The following ACACA variants were observed in gnomAD, a reference collection of about 807,000 sequenced individuals.
ACACA encodes the protein acetyl-CoA carboxylase alpha, also known as acetyl-CoA carboxylase 1.
Under a neutral mutation model 296.1 loss-of-function variants are expected in ACACA, and 103 were observed. The ratio of observed to expected loss-of-function variants is 0.35; its 90% CI spans 0.30 to 0.41. The LOEUF (loss-of-function observed/expected upper bound fraction) is 0.41, where lower values mean the gene tolerates loss of function less well. ACACA is among the 10% of genes least tolerant of loss of function. The probability of loss-of-function intolerance (pLI) is 1.00; values close to 1 mark genes in which losing one functional copy is unlikely to be tolerated. For synonymous variants in ACACA, 953 were observed against 1,038.6 expected (o/e 0.92, Z 1.58); for missense variants, 1,554 against 2,989.7 (o/e 0.52, Z 11.20).
At position 37,129,371 on chromosome 17, in the gene ACACA, G is replaced by A. The variant is rs763313915; in HGVS notation, c.5938C>T (p.His1980Tyr). 6.2e-7 allele frequency: 1 copy of A among 1,614,096 alleles called. No homozygotes were observed. The highest frequency in any genetic ancestry group is 8.5e-7 in the Non-Finnish European group (1 of 1,179,996). ...DPRWMLAGRP[H>Y]PTQKGQWLSG... Reference sequence around the variant, plus strand: ...TCCTCAAACATATACATACTTGGGTGAGGACGGCCTGCTAGCATCCATCGA... The same window carrying A: ...TCCTCAAACATATACATACTTGGGTAAGGACGGCCTGCTAGCATCCATCGA... Residue 1980 changes from histidine (H) to tyrosine (Y), a missense_variant, in exon 47 of 56, where the codon CAC becomes TAC. Coordinates refer to ENST00000616317, the MANE Select transcript of ACACA (RefSeq NM_198834.3).
At chr17:37,093,655 A>G (rs1441202076) in intron 54 of ACACA, among the ~76,000 whole-genome samples, 4 of 152,228 alleles carry the variant, frequency 2.6e-5, no homozygotes, top group African/African-American at 9.6e-5. Context: ...GTGCCACGAC[A>G]CCGAGCAAAT....
At chr17:37,151,551 G>T (rs2076039200) in intron 43 of ACACA, 130 bp from the exon 44 acceptor site, 2 of 1,133,780 alleles carry the variant, frequency 1.8e-6, no homozygotes, top group Non-Finnish European at 2.5e-6. Flanking sequence ...GGCTTTATGT[G>T]CTTCCTTTTA....
intron 39 of ACACA, among the ~76,000 whole-genome samples, chr17:37,182,806 G>A (rs898636124): frequency 1.3e-5 from 2 of 152,166 alleles, no homozygotes; most frequent in East Asian, 1.9e-4. Flanking sequence ...TTCCTAAATC[G>A]TGGGTACAGT....
rs1213693117 is a variant in ACACA, at chr17:37,257,774, T to C, written c.1755A>G (p.Gly585=). 6.2e-7 allele frequency: 1 copy of C among 1,614,104 alleles called. No homozygotes were observed. The highest frequency in any genetic ancestry group is 2.2e-5 in the East Asian group (1 of 44,876). Residue 585 remains glycine (G), a synonymous_variant, in exon 14 of 56, where the codon GGA becomes GGG. Coordinates refer to ENST00000616317, the MANE Select transcript of ACACA (RefSeq NM_198834.3). Reference sequence around the variant, plus strand: ...ACTGAGAATCAGCAAATTCATGAAGTCCCCCTGCAGCAGCAACACTGAAAT... The same window carrying C: ...ACTGAGAATCAGCAAATTCATGAAGCCCCCCTGCAGCAGCAACACTGAAAT... The part of the protein sequence containing the change: ...WGYFSVAAAG[G]LHEFADSQFG...
At chr17:37,391,764 A>T in intron 1 of ACACA, 1 of 1,542,606 alleles carries the variant, frequency 6.5e-7, no homozygotes, top group Non-Finnish European at 9.0e-7. Context: ...GATACTACAC[A>T]GTCCTCTCCC....
At chr17:37,400,835 G>A (rs947370347) in intron 1 of ACACA, among the ~76,000 whole-genome samples, 7 of 152,052 alleles carry the variant, frequency 4.6e-5, no homozygotes, top group African/African-American at 1.7e-4. Flanking sequence ...CTTGGCTATG[G>A]TGAATAATGC....
intron 5 of ACACA, among the ~76,000 whole-genome samples, chr17:37,282,952 C>T (rs1463727255): frequency 1.3e-5 from 2 of 152,300 alleles, no homozygotes; most frequent in Non-Finnish European, 1.5e-5. Context: ...TTTCCACTTA[C>T]GCATTCCAAA....
intron 55 of ACACA, 69 bp from the exon 56 acceptor site, chr17:37,087,508 A>G (rs2072288282): frequency 6.3e-7 from 1 of 1,585,544 alleles, no homozygotes; most frequent in Non-Finnish European, 8.6e-7. Flanking sequence ...CAGCTAAAGA[A>G]CTGCCCAATA....
intron 52 of ACACA, among the ~76,000 whole-genome samples, chr17:37,101,922 C>A (rs114166021): frequency 0.02 from 3,040 of 152,146 alleles, 99 homozygotes; most frequent in African/African-American, 0.069. Flanking sequence ...ATCTAACACA[C>A]CATTTATTGA....
intron 25 of ACACA, 151 bp downstream of exon 25, chr17:37,234,824 T>G: frequency 3.4e-5 from 30 of 885,728 alleles, no homozygotes; most frequent in Non-Finnish European, 4.8e-5. Context: ...AAGGTAGATG[T>G]GAGAAACTGT....
intron 27 of ACACA, 37 bp downstream of exon 27, chr17:37,224,955 G>T: frequency 2.1e-6 from 2 of 957,760 alleles, no homozygotes; most frequent in Non-Finnish European, 3.0e-6. Flanking sequence ...GTCCAGATAG[G>T]CAGGAAAGGG....
At chr17:37,260,886 G>A (rs958270630) in intron 11 of ACACA, among the ~76,000 whole-genome samples, 2 of 152,114 alleles carry the variant, frequency 1.3e-5, no homozygotes, top group African/African-American at 4.8e-5. Context: ...TTTTGGGGGG[G>A]TCCGCTGTGT....
In ACACA at chr17:37,227,591, G is replaced by A. The variant is rs539417611; in HGVS notation, c.3247-1139C>T. 9.0e-4 allele frequency among the ~76,000 whole-genome samples: 137 copies of A among 152,096 alleles called. 1 individual carries two copies. Among genetic ancestry groups the A allele is most frequent in the Admixed American group, 3.0e-3 (46 of 15,274 alleles). Reference sequence around the variant, plus strand: ...AAATAAAACAAAAAATTTTTAGGCCGGGCGCTGTGGCTCACGCCTGTAATC... The same window carrying A: ...AAATAAAACAAAAAATTTTTAGGCCAGGCGCTGTGGCTCACGCCTGTAATC... On this transcript the variant is annotated intron_variant, in intron 25 of 55. Transcript: ENST00000616317.
intron 1 of ACACA, chr17:37,345,423 TC>T (rs1387055382): frequency 6.6e-6 from 1 of 152,120 alleles, no homozygotes; most frequent in Non-Finnish European, 1.5e-5. Flanking sequence ...AACATCAACG[TC>T]CCTAATTGAG....
intron 1 of ACACA, chr17:37,359,206 A>G: frequency 1.1e-6 from 1 of 908,872 alleles, no homozygotes; most frequent in Non-Finnish European, 1.3e-6. Context: ...GAGCTCCATG[A>G]GGTGACTACG....
At chr17:37,231,036 T>C (rs545567691) in intron 25 of ACACA, among the ~76,000 whole-genome samples, 4 of 152,112 alleles carry the variant, frequency 2.6e-5, no homozygotes, top group Non-Finnish European at 4.4e-5. Flanking sequence ...CTATAGGAAA[T>C]AGTTCGAATT....
At chr17:37,096,536 G>T (rs1041956833) in intron 54 of ACACA, among the ~76,000 whole-genome samples, 1 of 152,142 alleles carries the variant, frequency 6.6e-6, no homozygotes. Context: ...ACTGCACAAG[G>T]CTTCTTAGAC....
At chr17:37,131,703 T>C (rs751631949) in intron 45 of ACACA, among the ~76,000 whole-genome samples, 9 of 152,224 alleles carry the variant, frequency 5.9e-5, no homozygotes, top group Non-Finnish European at 1.0e-4. Context: ...TGGAGGAAGT[T>C]GGTGACCAAA....
At chr17:37,326,199 A>G (rs142139620) in intron 3 of ACACA, among the ~76,000 whole-genome samples, 4,716 of 135,304 alleles carry the variant, frequency 0.035, 184 homozygotes, top group African/African-American at 0.094. Flanking sequence ...AAAGAGCAAG[A>G]CTGTCTCAAA....
Sources: gnomAD v4.1 joint callset for allele counts (sites outside exome capture counted in the v4.1 genomes callset) on GRCh38, gnomAD v4.1.1 for gene constraint, MANE v1.5 for transcripts, NCBI Gene and HGNC (gene_info 2026-07-23, HGNC 2026-07-21) for gene names.